Variants in NRF1 observed in about 807,000 individuals in gnomAD.
NRF1 encodes the protein alpha palindromic-binding protein.
In NRF1, 5 loss-of-function variants were observed where a neutral mutation model predicts 58.5. The ratio of observed to expected loss-of-function variants is 0.09; its 90% confidence interval spans 0.04 to 0.18. The LOEUF is 0.18. Among genes scored for constraint, NRF1 ranks in the 10% least tolerant of loss-of-function variants. NRF1 has a pLI of 1.00. For missense variants in NRF1, 288 were observed against 657.7 expected (o/e 0.44, Z 6.15); for synonymous variants, 224 against 246.7 (o/e 0.91, Z 0.86).
At chr7:129,628,521 CAG>C (rs1412466567) in intron 1 of NRF1, among the ~76,000 whole-genome samples, 2 of 152,048 alleles carry the variant, frequency 1.3e-5, no homozygotes, top group Non-Finnish European at 2.9e-5. Context: ...TTTTTCAAAA[CAG>C]AACACTTTAG....
intron 9 of NRF1, among the ~76,000 whole-genome samples, chr7:129,726,148 A>G (rs1803448945): frequency 6.6e-6 from 1 of 152,236 alleles, no homozygotes; most frequent in South Asian, 2.1e-4. Context: ...CACTTCTGCT[A>G]AACTAAATGG....
chr7:129,665,338 C>T (rs374187235), intron 2 of NRF1, among the ~76,000 whole-genome samples: 113 of 152,344 alleles, frequency 7.4e-4, no homozygotes, highest in African/African-American at 2.5e-3. Context: ...GGAATCCCAA[C>T]TCCACTTAAC....
chr7:129,697,494 G>GC (rs1802726881), intron 5 of NRF1, among the ~76,000 whole-genome samples: 1 of 147,290 alleles, frequency 6.8e-6, no homozygotes, highest in Non-Finnish European at 1.5e-5. Context: ...GTTGCAGTGA[G>GC]CCGAGATCAC....
At chr7:129,627,018 T>C (rs1038002943) in intron 1 of NRF1, among the ~76,000 whole-genome samples, 2 of 152,238 alleles carry the variant, frequency 1.3e-5, no homozygotes, top group African/African-American at 4.8e-5. Context: ...CTAATAAGTA[T>C]TACATGCACA....
intron 10 of NRF1, among the ~76,000 whole-genome samples, chr7:129,754,379 C>T (rs1401745370): frequency 1.4e-5 from 2 of 143,766 alleles, no homozygotes; most frequent in African/African-American, 5.1e-5. Context: ...GAGAGGATCA[C>T]TTGAATCCAG....
At chr7:129,658,180 C>T (rs1345955036) in intron 2 of NRF1, among the ~76,000 whole-genome samples, 1 of 151,992 alleles carries the variant, frequency 6.6e-6, no homozygotes, top group African/African-American at 2.4e-5. Context: ...TTGGCGTTTT[C>T]TTTTGTAGTG....
intron 4 of NRF1, among the ~76,000 whole-genome samples, chr7:129,681,746 G>A (rs1357809671): frequency 5.3e-5 from 8 of 151,964 alleles, no homozygotes; most frequent in African/African-American, 1.9e-4. Context: ...GCTAAGATAA[G>A]AAGTACATAT....
chr7:129,620,807 T>A (rs1194555802), intron 1 of NRF1, among the ~76,000 whole-genome samples: 1 of 152,240 alleles, frequency 6.6e-6, no homozygotes, highest in African/African-American at 2.4e-5. Flanking sequence ...CATTTTTAAG[T>A]TAGGTGTTGC....
At chr7:129,722,854 A>T (rs1016480608) in intron 9 of NRF1, among the ~76,000 whole-genome samples, 1 of 152,180 alleles carries the variant, frequency 6.6e-6, no homozygotes, top group Non-Finnish European at 1.5e-5. Context: ...GTCATCTTTG[A>T]TGGTCATAAA....
At chr7:129,739,360 C>T (rs778337807) in intron 10 of NRF1, among the ~76,000 whole-genome samples, 4 of 151,600 alleles carry the variant, frequency 2.6e-5, no homozygotes, top group Non-Finnish European at 5.9e-5. Flanking sequence ...TGTGTAGATA[C>T]AGAACATGTC....
intron 4 of NRF1, among the ~76,000 whole-genome samples, chr7:129,686,759 G>T (rs1232559971): frequency 6.6e-6 from 1 of 152,216 alleles, no homozygotes; most frequent in Non-Finnish European, 1.5e-5. Flanking sequence ...GATTTAAGTG[G>T]TTGTTTACCT....
intron 1 of NRF1, among the ~76,000 whole-genome samples, chr7:129,656,230 AAGTGACT>A (rs1801651453): frequency 6.6e-6 from 1 of 152,196 alleles, no homozygotes; most frequent in Non-Finnish European, 1.5e-5. Flanking sequence ...TTTGATCAGC[AAGTGACT>A]GGTTATATAA....
chr7:129,669,017 G>A (rs535583807), intron 2 of NRF1, among the ~76,000 whole-genome samples: 4 of 152,100 alleles, frequency 2.6e-5, no homozygotes, highest in African/African-American at 7.2e-5. Context: ...GAGTGATCTC[G>A]GTTCACTGCA....
rs1803337514 is a variant in NRF1 at position 129,721,968 on chromosome 7, G to A, written c.1223+4592G>A. Among the ~76,000 whole-genome samples the A allele has an allele frequency of 2.6e-5, 4 of 152,302 alleles. No individual in the cohort carries two copies. In the South Asian group the frequency reaches 8.3e-4, roughly 32 times the overall value. On this transcript the variant is annotated intron_variant, in intron 9 of 10. Coordinates refer to ENST00000393232, the MANE Select transcript of NRF1 (RefSeq NM_005011.5). ...TTTTCTTTCCTACAGGTAAAGATTA[G>A]ACGCTTACAGATAAAAGGTTGATGG...
intron 1 of NRF1, among the ~76,000 whole-genome samples, chr7:129,622,888 A>G (rs967710295): frequency 3.3e-5 from 5 of 152,202 alleles, no homozygotes; most frequent in African/African-American, 1.2e-4. Flanking sequence ...TATTTTTCTA[A>G]GCACACATGG....
At chr7:129,639,963 A>C (rs910588136) in intron 1 of NRF1, among the ~76,000 whole-genome samples, 25 of 152,212 alleles carry the variant, frequency 1.6e-4, no homozygotes, top group Non-Finnish European at 2.9e-4. Context: ...TCAGTTGAAC[A>C]CTCTGGCGCT....
At chr7:129,709,729 C>CTTTTT (rs71527924) in intron 6 of NRF1, among the ~76,000 whole-genome samples, 9 of 127,938 alleles carry the variant, frequency 7.0e-5, no homozygotes, top group South Asian at 2.5e-4. Flanking sequence ...TCTTTTCTTT[C>CTTTTT]TTTTTTTTTT....
intron 4 of NRF1, among the ~76,000 whole-genome samples, chr7:129,689,141 T>G (rs537350812): frequency 6.6e-6 from 1 of 152,368 alleles, no homozygotes; most frequent in African/African-American, 2.4e-5. Flanking sequence ...CAGTTTGTGC[T>G]ATTTTTCTCT....
intron 10 of NRF1, among the ~76,000 whole-genome samples, chr7:129,753,028 G>T (rs765720370): frequency 5.3e-5 from 8 of 152,206 alleles, no homozygotes; most frequent in Non-Finnish European, 8.8e-5. Context: ...ATTTCATGAA[G>T]TCTCACTGCA....
Sources: allele counts gnomAD v4.1 joint callset (sites outside exome capture counted in the v4.1 genomes callset), GRCh38; gene constraint gnomAD v4.1.1; transcripts MANE v1.5; gene names NCBI Gene and HGNC (gene_info 2026-07-23, HGNC 2026-07-21).